TRIM24: variants seen among roughly 807,000 people sequenced by gnomAD.
The protein encoded by TRIM24 is transcription intermediary factor 1-alpha.
Under a neutral mutation model 123.9 loss-of-function variants are expected in TRIM24, and 29 were observed. The ratio of observed to expected loss-of-function variants is 0.23; its 90% CI spans 0.17 to 0.32. The LOEUF (loss-of-function observed/expected upper bound fraction) is 0.32. TRIM24 is among the 10% of genes least tolerant of loss of function. The probability of loss-of-function intolerance (pLI) is 1.00; values close to 1 mark genes in which losing one functional copy is unlikely to be tolerated. For missense variants in TRIM24, 932 were observed against 1,295.3 expected, an observed-to-expected ratio of 0.72 and a Z score of 4.31; for synonymous variants, 456 against 461.1, an observed-to-expected ratio of 0.99 and a Z score of 0.14.
chr7:138,581,585 G>A (rs1008348112), intron 16 of TRIM24, 112 bp from the exon 17 acceptor site: 10 of 853,996 alleles, frequency 1.2e-5, no homozygotes, highest in African/African-American at 1.7e-5. Context: ...TATTCATCTG[G>A]GTTTTAATTT....
intron 9 of TRIM24, among the ~76,000 whole-genome samples, chr7:138,560,753 T>A (rs886088060): frequency 1.3e-5 from 2 of 152,222 alleles, no homozygotes; most frequent in Admixed American, 6.5e-5. Context: ...CCACCATCGT[T>A]CTTCAATGTA....
At chr7:138,578,563 T>TGTGTGTGC (rs145011901) in intron 14 of TRIM24, among the ~76,000 whole-genome samples, 38 of 145,084 alleles carry the variant, frequency 2.6e-4, no homozygotes, top group African/African-American at 8.9e-4. Flanking sequence ...TGTGTGTGTG[T>TGTGTGTGC]GCGCGCACGC....
At chr7:138,534,040 T>C (rs1796810014) in intron 6 of TRIM24, among the ~76,000 whole-genome samples, 1 of 152,230 alleles carries the variant, frequency 6.6e-6, no homozygotes, top group Non-Finnish European at 1.5e-5. Flanking sequence ...TAGTTTGTAT[T>C]TCTGTGGGAT....
chr7:138,549,362 C>A (rs952627131), intron 7 of TRIM24, among the ~76,000 whole-genome samples: 2 of 152,124 alleles, frequency 1.3e-5, no homozygotes, highest in Non-Finnish European at 2.9e-5. Context: ...GAGAGGAAAT[C>A]ACCAACAATG....
At chr7:138,569,116 C>T (rs1054431626) in intron 10 of TRIM24, among the ~76,000 whole-genome samples, 9 of 152,152 alleles carry the variant, frequency 5.9e-5, no homozygotes, top group Non-Finnish European at 1.2e-4. Context: ...GTGGCACTTA[C>T]GTAGTCTTTT....
rs1795900841 is a variant in TRIM24, at chr7:138,496,111, G to C, written c.365-8179G>C. Among the ~76,000 whole-genome samples, 6 of 152,240 alleles carry C rather than the reference G, an allele frequency of 3.9e-5. No individual in the cohort carries two copies. In the South Asian group the frequency reaches 1.0e-3, roughly 26 times the overall value. On this transcript the variant is annotated intron_variant, in intron 1 of 18. Coordinates refer to ENST00000343526, the MANE Select transcript of TRIM24 (RefSeq NM_015905.3). Reference sequence around the variant, plus strand: ...GCATTTTCATTAAATTTTAGGATCAGTTTGTTAGTTACTACAAAATGATCC... The same window carrying C: ...GCATTTTCATTAAATTTTAGGATCACTTTGTTAGTTACTACAAAATGATCC...
chr7:138,507,916 AGAGT>A (rs1052710440), intron 2 of TRIM24, among the ~76,000 whole-genome samples: 2 of 145,640 alleles, frequency 1.4e-5, no homozygotes, highest in Non-Finnish European at 2.9e-5. Flanking sequence ...CCTGGGTGAC[AGAGT>A]GAGACCCTAT....
intron 1 of TRIM24, among the ~76,000 whole-genome samples, chr7:138,490,311 C>T (rs923836968): frequency 2.6e-5 from 4 of 152,100 alleles, no homozygotes; most frequent in African/African-American, 7.2e-5. Context: ...TCCTTTAGCT[C>T]GGAAAAGTTT....
Position 138,515,464 on chromosome 7 carries a change from A to G in TRIM24, c.631+105A>G, listed in dbSNP as rs867731558. ...ACATTTGTTTTGATAAGTATTAAAT[A>G]TACTGTTTTAAGTAAAAGAGGTTTA... On this transcript the variant is annotated intron_variant, in intron 3 of 18. Transcript: ENST00000343526. The G allele has an allele frequency of 4.0e-5, 53 of 1,334,778 alleles. No individual in the cohort carries two copies. In the African/African-American group the frequency reaches 7.1e-4, roughly 18 times the overall value. 82.7% of individuals were successfully genotyped at this position (1,334,778 alleles called of 1,614,324 possible).
rs370786463 is a variant in TRIM24 at position 138,548,160 on chromosome 7, C to T, written c.1144-2903C>T. Among the ~76,000 whole-genome samples, 519 of 152,166 alleles carry T rather than the reference C, an allele frequency of 3.4e-3. 3 individuals are homozygous for T. Among genetic ancestry groups the T allele is most frequent in the African/African-American group, 0.012 (491 of 41,504 alleles). Reference sequence around the variant, plus strand: ...GATGCATTCTGAGAAATGGTAATTTCGGCATTGTGTGACATCATAGGATAT... The same window carrying T: ...GATGCATTCTGAGAAATGGTAATTTTGGCATTGTGTGACATCATAGGATAT... On this transcript the variant is annotated intron_variant, in intron 7 of 18. Transcript: ENST00000343526.
At chr7:138,473,868 C>T (rs916945939) in intron 1 of TRIM24, among the ~76,000 whole-genome samples, 1 of 152,142 alleles carries the variant, frequency 6.6e-6, no homozygotes, top group African/African-American at 2.4e-5. Flanking sequence ...CCTTCCAGGC[C>T]TGAGCCATCC....
chr7:138,562,681 G>T (rs1797451035), intron 9 of TRIM24, among the ~76,000 whole-genome samples: 1 of 152,148 alleles, frequency 6.6e-6, no homozygotes, highest in Non-Finnish European at 1.5e-5. Flanking sequence ...CTAATCTTTA[G>T]CCAGCCCGGG....
rs149005315 is a variant in TRIM24 at position 138,529,738 on chromosome 7, G to A, written c.996+508G>A. ...AGGCACTTAGTTGTTTCTCACTGCA[G>A]GTAAGAAAAACATTACCATCTTCCT... On this transcript the variant is annotated intron_variant, in intron 6 of 18. Transcript: ENST00000343526. Among the ~76,000 whole-genome samples, 20 of 152,226 alleles carry A rather than the reference G, an allele frequency of 1.3e-4. No individual in the cohort carries two copies. In the East Asian group the frequency reaches 3.9e-3, roughly 29 times the overall value.
intron 7 of TRIM24, among the ~76,000 whole-genome samples, chr7:138,541,184 C>T (rs1303884592): frequency 6.6e-6 from 1 of 152,116 alleles, no homozygotes; most frequent in East Asian, 1.9e-4. Flanking sequence ...ATACTTGAGG[C>T]CATGCACCTA....
At chr7:138,516,087 CAGG>C (rs1335606771) in intron 3 of TRIM24, among the ~76,000 whole-genome samples, 1 of 152,140 alleles carries the variant, frequency 6.6e-6, no homozygotes, top group Non-Finnish European at 1.5e-5. Context: ...ATCATGAGAT[CAGG>C]AGATCGAGAC....
chr7:138,517,919 C>A (rs190012765), intron 3 of TRIM24, among the ~76,000 whole-genome samples: 1 of 152,224 alleles, frequency 6.6e-6, no homozygotes, highest in Non-Finnish European at 1.5e-5. Flanking sequence ...TTTGAGAGTT[C>A]CCCCTGTGAA....
intron 5 of TRIM24, among the ~76,000 whole-genome samples, chr7:138,528,301 G>A (rs1034748836): frequency 1.3e-5 from 2 of 152,232 alleles, no homozygotes; most frequent in Non-Finnish European, 1.5e-5. Context: ...TACCATAGGA[G>A]AAAGAAAAAT....
intron 13 of TRIM24, among the ~76,000 whole-genome samples, chr7:138,576,708 A>G (rs1460678100): frequency 6.6e-6 from 1 of 152,148 alleles, no homozygotes; most frequent in Admixed American, 6.5e-5. Context: ...AAGAAAACAT[A>G]AAAATGAATA....
At chr7:138,576,764 A>G (rs1368020823) in intron 13 of TRIM24, among the ~76,000 whole-genome samples, 4 of 152,142 alleles carry the variant, frequency 2.6e-5, no homozygotes, top group East Asian at 3.8e-4. Context: ...TAGAGAAAAG[A>G]TAAAATTTTA....
Sources: gnomAD v4.1 joint callset for allele counts (sites outside exome capture counted in the v4.1 genomes callset) on GRCh38, gnomAD v4.1.1 for gene constraint, MANE v1.5 for transcripts, NCBI Gene and HGNC (gene_info 2026-07-23, HGNC 2026-07-21) for gene names.